Variants in KSR1 observed in about 807,000 individuals in gnomAD.
The protein encoded by KSR1 is kinase suppressor of ras 1.
A neutral mutation model predicts 92.9 loss-of-function variants in KSR1; 35 were observed. That is an observed-to-expected ratio of 0.38 (90% confidence interval 0.29 to 0.50). The LOEUF is 0.50. Ranked by LOEUF, KSR1 falls within the 20% of genes least tolerant of loss-of-function variation. KSR1 has a pLI of 0.94. For missense variants in KSR1, 972 were observed against 1,158.5 expected (o/e 0.84, Z 2.34); for synonymous variants, 467 against 472.6 (o/e 0.99, Z 0.15).
In KSR1 at chr17:27,487,471, G is replaced by C. The variant is rs373097771; in HGVS notation, c.231+30597G>C. ...AGAATAAAAGGGGTTTATTTGGGCT[G>C]GGTGTGGTGACTCACTCCTGTAATC... On this transcript the variant is annotated intron_variant, in intron 1 of 20. Transcript: ENST00000644974. 5.3e-5 allele frequency among the ~76,000 whole-genome samples: 8 copies of C among 151,952 alleles called. No individual in the cohort carries two copies. The South Asian group carries it at 1.7e-3, about 32-fold the overall frequency.
intron 1 of KSR1, among the ~76,000 whole-genome samples, chr17:27,537,204 C>T (rs916307068): frequency 2.0e-5 from 3 of 152,218 alleles, no homozygotes; most frequent in Non-Finnish European, 4.4e-5. Flanking sequence ...AAACACTCAG[C>T]ATCAACTGAA....
At chr17:27,474,969 T>A (rs2068295349) in intron 1 of KSR1, among the ~76,000 whole-genome samples, 1 of 152,024 alleles carries the variant, frequency 6.6e-6, no homozygotes, top group South Asian at 2.1e-4. Flanking sequence ...AAAAGTGCTG[T>A]GGAGAAAATG....
chr17:27,489,191 A>G (rs2068751692), intron 1 of KSR1, among the ~76,000 whole-genome samples: 1 of 152,188 alleles, frequency 6.6e-6, no homozygotes, highest in African/African-American at 2.4e-5. Context: ...GGGAGAGTGT[A>G]GGATCCTCAT....
At chr17:27,585,957 G>A (rs1044204462) in intron 5 of KSR1, 8 of 461,572 alleles carry the variant, frequency 1.7e-5, no homozygotes, top group Non-Finnish European at 2.4e-5. Context: ...CTTCCCCACC[G>A]AGACTCTCCA....
chr17:27,608,156 A>G (rs2073816066), intron 15 of KSR1, 146 bp downstream of exon 15: 1 of 621,440 alleles, frequency 1.6e-6, no homozygotes, highest in African/African-American at 1.8e-5. Flanking sequence ...GTGGGACCCC[A>G]TCTCTTCCTC....
chr17:27,538,392 G>A (rs2151059729), intron 1 of KSR1, among the ~76,000 whole-genome samples: 1 of 152,310 alleles, frequency 6.6e-6, no homozygotes, highest in Admixed American at 6.5e-5. Flanking sequence ...TTTTCAAAAT[G>A]GGCAGGAGGT....
intron 1 of KSR1, among the ~76,000 whole-genome samples, chr17:27,461,701 G>A (rs1396458765): frequency 6.6e-6 from 1 of 152,232 alleles, no homozygotes; most frequent in Non-Finnish European, 1.5e-5. Context: ...CCTGGGGAGG[G>A]CTGGGTGGTG....
chr17:27,503,423 G>T (rs1567770473), intron 1 of KSR1, among the ~76,000 whole-genome samples: 1 of 152,148 alleles, frequency 6.6e-6, no homozygotes, highest in African/African-American at 2.4e-5. Flanking sequence ...TCTGATCTAG[G>T]CCGGGTGGCT....
chr17:27,460,029 G>A (rs2019354809), intron 1 of KSR1, among the ~76,000 whole-genome samples: 1 of 152,122 alleles, frequency 6.6e-6, no homozygotes, highest in Non-Finnish European at 1.5e-5. Context: ...ATAAAGGGAG[G>A]GAGGCACAAT....
At chr17:27,583,582 C>T (rs2072858060) in intron 4 of KSR1, among the ~76,000 whole-genome samples, 2 of 152,320 alleles carry the variant, frequency 1.3e-5, no homozygotes, top group African/African-American at 4.8e-5. Context: ...ATTCCTGGCC[C>T]AACCTGAACA....
intron 1 of KSR1, among the ~76,000 whole-genome samples, chr17:27,520,812 C>T (rs1463550279): frequency 2.0e-5 from 3 of 152,248 alleles, no homozygotes; most frequent in Non-Finnish European, 4.4e-5. Context: ...CTGCCTTCCC[C>T]CTTACCCATT....
intron 1 of KSR1, among the ~76,000 whole-genome samples, chr17:27,482,983 A>G (rs2068553806): frequency 1.3e-5 from 2 of 152,368 alleles, no homozygotes; most frequent in East Asian, 1.9e-4. Flanking sequence ...CAGTACTTCA[A>G]AATGTGACAG....
chr17:27,460,230 T>C (rs1402970826), intron 1 of KSR1, among the ~76,000 whole-genome samples: 1 of 152,104 alleles, frequency 6.6e-6, no homozygotes, highest in Non-Finnish European at 1.5e-5. Context: ...CTGCAACCTA[T>C]GCCAGTAATA....
At chr17:27,503,801 G>A (rs1437737451) in intron 1 of KSR1, among the ~76,000 whole-genome samples, 1 of 152,144 alleles carries the variant, frequency 6.6e-6, no homozygotes, top group Non-Finnish European at 1.5e-5. Flanking sequence ...CTCCTAGATG[G>A]TGGAGGCGCC....
intron 1 of KSR1, among the ~76,000 whole-genome samples, chr17:27,476,265 A>G (rs960763070): frequency 6.6e-6 from 1 of 152,166 alleles, no homozygotes; most frequent in African/African-American, 2.4e-5. Context: ...AATAAAACGG[A>G]GAGTTGGTCC....
intron 1 of KSR1, among the ~76,000 whole-genome samples, chr17:27,481,452 G>A (rs1038187418): frequency 1.3e-5 from 2 of 152,176 alleles, no homozygotes; most frequent in Admixed American, 6.6e-5. Context: ...TAGCACATAC[G>A]TGCCATATTT....
rs1431632628 is a variant in KSR1 at position 27,623,750 on chromosome 17, GT to G, written c.*359del. On this transcript the variant is annotated 3_prime_UTR_variant, in exon 21 of 21. Coordinates refer to ENST00000644974, the MANE Select transcript of KSR1 (RefSeq NM_001394583.1). ...AATGGCCATCCCCTCTGAGGACCTT[GT>G]AGGCGGTGAGGGACCCATGCTGGGC... 6 of 555,526 alleles carry G rather than the reference GT, an allele frequency of 1.1e-5. No individual in the cohort carries two copies. Among genetic ancestry groups the G allele is most frequent in the Admixed American group, 3.7e-5 (1 of 26,924 alleles). The allele number at this position is 555,526 out of a possible 1,614,324, so 34.4% of individuals were successfully genotyped here. A position where few individuals can be genotyped will look rare whatever the true frequency, so the allele number is the denominator to read the frequency against.
intron 15 of KSR1, 80 bp downstream of exon 15, chr17:27,608,090 C>T: frequency 1.9e-6 from 2 of 1,043,564 alleles, no homozygotes; most frequent in South Asian, 1.4e-5. Flanking sequence ...CCTGTTACTC[C>T]CTGTTAGGGT....
intron 7 of KSR1, 67 bp from the exon 8 acceptor site, chr17:27,592,294 A>G: frequency 4.0e-6 from 5 of 1,262,682 alleles, no homozygotes; most frequent in Non-Finnish European, 5.8e-6. Flanking sequence ...TGCTACACAG[A>G]GCTACCCCTG....
Sources: gnomAD v4.1 joint callset for allele counts (sites outside exome capture counted in the v4.1 genomes callset) on GRCh38, gnomAD v4.1.1 for gene constraint, MANE v1.5 for transcripts, NCBI Gene and HGNC (gene_info 2026-07-23, HGNC 2026-07-21) for gene names.